KCNC2: variants seen among roughly 807,000 people sequenced by gnomAD.
KCNC2 encodes voltage-gated potassium channel KCNC2.
In KCNC2, 21 loss-of-function variants were observed where a neutral mutation model predicts 44.5. That is an observed-to-expected ratio of 0.47 (90% CI 0.33 to 0.68). The LOEUF (loss-of-function observed/expected upper bound fraction) is 0.68. KCNC2 is among the 30% of genes least tolerant of loss of function. The pLI is 0.01. For missense variants in KCNC2, 589 were observed against 826.2 expected, an observed-to-expected ratio of 0.71 and a Z score of 3.52; for synonymous variants, 391 against 339.1, an observed-to-expected ratio of 1.15 and a Z score of -1.68.
intron 2 of KCNC2, among the ~76,000 whole-genome samples, chr12:75,101,756 C>T (rs1339450526): frequency 6.6e-6 from 1 of 151,812 alleles, no homozygotes; most frequent in African/African-American, 2.4e-5. Context: ...TTCTCAGCAC[C>T]AGTGAAAAAG....
At chr12:75,184,737 A>C (rs1892818474) in intron 2 of KCNC2, among the ~76,000 whole-genome samples, 1 of 152,172 alleles carries the variant, frequency 6.6e-6, no homozygotes, top group Non-Finnish European at 1.5e-5. Flanking sequence ...ATCTCATAGC[A>C]CCTGGGAAAG....
At chr12:75,172,434 T>C (rs1891893285) in intron 2 of KCNC2, among the ~76,000 whole-genome samples, 4 of 151,680 alleles carry the variant, frequency 2.6e-5, no homozygotes, top group Non-Finnish European at 4.4e-5. Context: ...TGGCACACAT[T>C]TACCTATGTA....
At chr12:75,090,793 C>CCAT (rs34927818) in intron 2 of KCNC2, among the ~76,000 whole-genome samples, 6 of 151,234 alleles carry the variant, frequency 4.0e-5, no homozygotes, top group South Asian at 2.1e-4. Flanking sequence ...ATCCTCATTA[C>CCAT]CATCATCATC....
At chr12:75,155,500 C>T (rs1890694565) in intron 2 of KCNC2, among the ~76,000 whole-genome samples, 1 of 151,720 alleles carries the variant, frequency 6.6e-6, no homozygotes, top group Non-Finnish European at 1.5e-5. Context: ...TACTGAGTTT[C>T]AACCAATTAA....
At chr12:75,078,335 T>G (rs1455601706) in intron 2 of KCNC2, among the ~76,000 whole-genome samples, 1 of 152,156 alleles carries the variant, frequency 6.6e-6, no homozygotes, top group Non-Finnish European at 1.5e-5. Context: ...ATAAAGTAGT[T>G]TAACTTCCAC....
At chr12:75,057,608 A>T (rs1254353850) in intron 2 of KCNC2, among the ~76,000 whole-genome samples, 1 of 152,020 alleles carries the variant, frequency 6.6e-6, no homozygotes, top group South Asian at 2.1e-4. Context: ...AGTAAAAAAG[A>T]TTAGACTTCA....
At chr12:75,186,149 A>C (rs1400689873) in intron 2 of KCNC2, among the ~76,000 whole-genome samples, 1 of 151,990 alleles carries the variant, frequency 6.6e-6, no homozygotes, top group Non-Finnish European at 1.5e-5. Context: ...GCGCAGTTAC[A>C]TAATACAAAA....
chr12:75,200,425 C>T (rs753590230), intron 2 of KCNC2, among the ~76,000 whole-genome samples: 22 of 151,734 alleles, frequency 1.4e-4, no homozygotes, highest in Non-Finnish European at 1.8e-4. Context: ...ACCAATTTCA[C>T]TAATATAATA....
intron 2 of KCNC2, among the ~76,000 whole-genome samples, chr12:75,061,856 T>C (rs937894648): frequency 1.3e-5 from 2 of 152,028 alleles, no homozygotes; most frequent in Non-Finnish European, 2.9e-5. Flanking sequence ...AGTAACTGTG[T>C]ACCTGTTGTT....
In KCNC2 at chr12:75,050,832, T is replaced by G; in HGVS notation, c.1173A>C (p.Leu391=). The G allele has an allele frequency of 6.2e-7, 1 of 1,613,518 alleles. No individual in the cohort carries two copies. Among genetic ancestry groups the G allele is most frequent in the Non-Finnish European group, 8.5e-7 (1 of 1,179,834 alleles). ...EFLLLIIFLA[L]GVLIFATMIY... The stretch of plus-strand genomic sequence containing the variant: ...TCATGGTAGCAAATATCAAAACTCC[T>G]AGAGCCAGGAAAATTATCAGCAGCA... Residue 391 remains leucine, a synonymous_variant, in exon 3 of 5, where the codon CTA becomes CTC. Coordinates refer to ENST00000549446, the MANE Select transcript of KCNC2 (RefSeq NM_139137.4).
chr12:75,136,071 T>C (rs978017505), intron 2 of KCNC2, among the ~76,000 whole-genome samples: 7 of 152,018 alleles, frequency 4.6e-5, no homozygotes, highest in Non-Finnish European at 8.8e-5. Flanking sequence ...TATTTAACCT[T>C]TCTGTCCACT....
chr12:75,061,563 A>G (rs1882324909), intron 2 of KCNC2, among the ~76,000 whole-genome samples: 1 of 95,564 alleles, frequency 1.0e-5, no homozygotes, highest in Non-Finnish European at 2.2e-5. Context: ...TATAAGTGAC[A>G]AGTACACACA....
chr12:75,137,245 C>T (rs1889298326), intron 2 of KCNC2, among the ~76,000 whole-genome samples: 1 of 152,116 alleles, frequency 6.6e-6, no homozygotes, highest in Non-Finnish European at 1.5e-5. Context: ...ACCAACTCCT[C>T]AAGGATCTCA....
chr12:75,091,285 T>A (rs999078203), intron 2 of KCNC2, among the ~76,000 whole-genome samples: 3 of 151,822 alleles, frequency 2.0e-5, no homozygotes, highest in African/African-American at 7.2e-5. Flanking sequence ...CTTCAACTTT[T>A]TCTTTTCAGC....
chr12:75,066,910 CA>C (rs1189064351), intron 2 of KCNC2, among the ~76,000 whole-genome samples: 1 of 151,988 alleles, frequency 6.6e-6, no homozygotes, highest in African/African-American at 2.4e-5. Context: ...TTGGGGATAA[CA>C]AAAAAGCTTA....
chr12:75,205,620 A>G (rs563649113), intron 2 of KCNC2, among the ~76,000 whole-genome samples: 8 of 152,208 alleles, frequency 5.3e-5, no homozygotes, highest in Admixed American at 2.0e-4. Context: ...AAGGAAAAAT[A>G]GTAAAACATT....
At chr12:75,162,991 C>A (rs950061138) in intron 2 of KCNC2, among the ~76,000 whole-genome samples, 1 of 151,536 alleles carries the variant, frequency 6.6e-6, no homozygotes, top group Non-Finnish European at 1.5e-5. Context: ...TTTGGTTGAC[C>A]GTAGAAGTGG....
At position 75,050,485 on chromosome 12, in the gene KCNC2, G is replaced by C. The variant is rs750901323; in HGVS notation, c.1520C>G (p.Thr507Ser). The C allele has an allele frequency of 1.2e-6, 2 of 1,613,654 alleles. No individual in the cohort carries two copies. Among genetic ancestry groups the C allele is most frequent in the Admixed American group, 1.7e-5 (1 of 59,964 alleles). ...CATATTTAATTCTGTCTTGCAAAAAGTAGGTGAGCTTGCCTGAGGAGCAGG... is the reference window on the plus strand; with the variant it reads ...CATATTTAATTCTGTCTTGCAAAAACTAGGTGAGCTTGCCTGAGGAGCAGG... Reference protein sequence around the residue: ...IPPAPQASSPTFCKTELNMAC... With the variant: ...IPPAPQASSPSFCKTELNMAC... The change falls in exon 3 of 5, where the codon ACT becomes AGT. Residue 507 changes from threonine to serine, a missense_variant. Coordinates refer to ENST00000549446, the MANE Select transcript of KCNC2 (RefSeq NM_139137.4).
intron 2 of KCNC2, among the ~76,000 whole-genome samples, chr12:75,129,668 T>C (rs946492971): frequency 6.6e-6 from 1 of 152,136 alleles, no homozygotes; most frequent in African/African-American, 2.4e-5. Flanking sequence ...AGAAATAAAA[T>C]GATTTTCTGA....
Sources: allele counts gnomAD v4.1 joint callset (sites outside exome capture counted in the v4.1 genomes callset), GRCh38; gene constraint gnomAD v4.1.1; transcripts MANE v1.5; gene names NCBI Gene and HGNC (gene_info 2026-07-23, HGNC 2026-07-21).